Variants in PALLD observed in about 807,000 individuals in gnomAD.
PALLD encodes palladin.
A neutral mutation model predicts 123.5 loss-of-function variants in PALLD; 61 were observed. The ratio of observed to expected loss-of-function variants is 0.49; its 90% CI spans 0.40 to 0.61. The LOEUF is 0.61. PALLD is among the 20% of genes least tolerant of loss of function. PALLD has a pLI of 0.00. For synonymous variants in PALLD, 465 were observed against 496.4 expected (o/e 0.94, Z 0.84); for missense variants, 1,273 against 1,377.0 (o/e 0.92, Z 1.20).
chr4:168,778,382 A>C (rs1735464139), intron 10 of PALLD, among the ~76,000 whole-genome samples: 1 of 152,170 alleles, frequency 6.6e-6, no homozygotes, highest in Non-Finnish European at 1.5e-5. Context: ...AGATAGATGA[A>C]ACACCTTGTA....
chr4:168,673,452 T>C (rs536570013), intron 3 of PALLD, among the ~76,000 whole-genome samples: 1 of 152,266 alleles, frequency 6.6e-6, no homozygotes, highest in African/African-American at 2.4e-5. Flanking sequence ...AAGTCCAGGG[T>C]AACTGGAACA....
intron 2 of PALLD, among the ~76,000 whole-genome samples, chr4:168,565,154 A>G (rs1029062784): frequency 4.7e-4 from 72 of 152,254 alleles, no homozygotes; most frequent in African/African-American, 1.7e-3. Context: ...GAGGAAAATG[A>G]GACCCTATCT....
rs1033930768 is a variant in PALLD at position 168,526,375 on chromosome 4, T to C, written c.908+13963T>C. On this transcript the variant is annotated intron_variant, in intron 2 of 21. Coordinates refer to ENST00000505667, the MANE Select transcript of PALLD (RefSeq NM_001166108.2). ...GACCAAACCCAGCCAAAACGTGTCT[T>C]TCATTACAGTTTGTTCTGGTTGAAA... is the stretch of plus-strand genomic sequence containing the variant. Among the ~76,000 whole-genome samples the C allele has an allele frequency of 4.6e-5, 7 of 152,346 alleles. No individual in the cohort carries two copies. In the East Asian group the frequency reaches 1.3e-3, roughly 29 times the overall value.
chr4:168,644,596 G>A (rs1489861572), intron 2 of PALLD, among the ~76,000 whole-genome samples: 2 of 152,144 alleles, frequency 1.3e-5, no homozygotes, highest in African/African-American at 4.8e-5. Flanking sequence ...AGTGGAGTAT[G>A]TAAATAGGAC....
intron 10 of PALLD, among the ~76,000 whole-genome samples, chr4:168,746,380 C>CAAAAA (rs747755592): frequency 0.085 from 3,140 of 36,970 alleles, 637 homozygotes; most frequent in East Asian, 0.19. Flanking sequence ...GAACCCGTCT[C>CAAAAA]AAAAAAAAAA....
At chr4:168,662,552 G>A (rs1779227558) in intron 2 of PALLD, among the ~76,000 whole-genome samples, 1 of 152,216 alleles carries the variant, frequency 6.6e-6, no homozygotes, top group African/African-American at 2.4e-5. Context: ...TAGTGTCCTT[G>A]CCTGTGCCAT....
chr4:168,816,389 GTA>G lies in PALLD; in HGVS notation c.1965-74509_1965-74508del, dbSNP rs34216824. On this transcript the variant is annotated intron_variant, in intron 10 of 21. Transcript: ENST00000505667. ...AGACCTATGTTATATGTGTATGTGTGTATATATATATATATATATATATATTT... is the reference window on the plus strand; with the variant it reads ...AGACCTATGTTATATGTGTATGTGTGTATATATATATATATATATATATTT... Among the ~76,000 whole-genome samples, 853 of 138,994 alleles carry G rather than the reference GTA, an allele frequency of 6.1e-3. 10 individuals carry two copies. The highest frequency in any genetic ancestry group is 0.02 in the African/African-American group (757 of 38,396). 91.2% of individuals were successfully genotyped at this position (138,994 alleles called of 152,430 possible).
intron 10 of PALLD, among the ~76,000 whole-genome samples, chr4:168,872,269 T>A (rs901097345): frequency 6.6e-6 from 1 of 152,214 alleles, no homozygotes; most frequent in South Asian, 2.1e-4. Flanking sequence ...CAAATATGGC[T>A]CTTATTCTAA....
intron 2 of PALLD, among the ~76,000 whole-genome samples, chr4:168,527,837 GAAGA>G (rs770368327): frequency 6.6e-6 from 1 of 152,194 alleles, no homozygotes; most frequent in Non-Finnish European, 1.5e-5. Context: ...AGATCAGAAG[GAAGA>G]AAGAGAGGAA....
At chr4:168,880,841 GT>G (rs1313105591) in intron 10 of PALLD, among the ~76,000 whole-genome samples, 2 of 152,084 alleles carry the variant, frequency 1.3e-5, no homozygotes, top group Non-Finnish European at 2.9e-5. Context: ...AATTCATTAG[GT>G]TTTTTTCACT....
At chr4:168,589,132 G>T (rs376135814) in intron 2 of PALLD, among the ~76,000 whole-genome samples, 1 of 152,148 alleles carries the variant, frequency 6.6e-6, no homozygotes, top group South Asian at 2.1e-4. Context: ...AGTTTGTGTC[G>T]TTTCTAAAGT....
At chr4:168,687,500 T>C (rs899775837) in intron 6 of PALLD, among the ~76,000 whole-genome samples, 5 of 152,146 alleles carry the variant, frequency 3.3e-5, no homozygotes, top group African/African-American at 1.2e-4. Context: ...GTCCAATGTA[T>C]TGGTATCCAA....
At chr4:168,627,492 A>C (rs866735862) in intron 2 of PALLD, among the ~76,000 whole-genome samples, 1 of 152,220 alleles carries the variant, frequency 6.6e-6, no homozygotes, top group Admixed American at 6.5e-5. Flanking sequence ...CCTGGGTGAC[A>C]GAGTGAGACT....
intron 2 of PALLD, chr4:168,598,476 C>A: frequency 1.7e-6 from 1 of 576,766 alleles, no homozygotes. Context: ...AAGGTGTTAG[C>A]AGAGAGAGAA....
chr4:168,777,332 T>C (rs1356068331), intron 10 of PALLD, among the ~76,000 whole-genome samples: 1 of 152,166 alleles, frequency 6.6e-6, no homozygotes, highest in Non-Finnish European at 1.5e-5. Flanking sequence ...TAATACTGCT[T>C]TATCCCATCA....
chr4:168,764,963 T>A (rs569812227), intron 10 of PALLD, among the ~76,000 whole-genome samples: 9 of 152,258 alleles, frequency 5.9e-5, no homozygotes, highest in Middle Eastern at 3.4e-3. Context: ...GAATCGAGGG[T>A]TTATACACTG....
At chr4:168,805,731 C>T (rs760987287) in intron 10 of PALLD, among the ~76,000 whole-genome samples, 15 of 152,146 alleles carry the variant, frequency 9.9e-5, no homozygotes, top group Non-Finnish European at 1.5e-4. Context: ...CCTGTTTTAC[C>T]TCCTGGTAAG....
At chr4:168,509,201 CTA>C (rs1209481521) in intron 1 of PALLD, among the ~76,000 whole-genome samples, 1 of 152,078 alleles carries the variant, frequency 6.6e-6, no homozygotes, top group Admixed American at 6.5e-5. Flanking sequence ...AGTAGAAATG[CTA>C]TAGTTTTCCA....
intron 10 of PALLD, among the ~76,000 whole-genome samples, chr4:168,722,067 C>G (rs1450693740): frequency 6.6e-6 from 1 of 152,080 alleles, no homozygotes; most frequent in Non-Finnish European, 1.5e-5. Context: ...ATTTTCAAGC[C>G]AGGGTCTCAC....
Sources: allele counts gnomAD v4.1 joint callset (sites outside exome capture counted in the v4.1 genomes callset), GRCh38; gene constraint gnomAD v4.1.1; transcripts MANE v1.5; gene names NCBI Gene and HGNC (gene_info 2026-07-23, HGNC 2026-07-21).